Variants in SYNRG observed in about 807,000 individuals in gnomAD.
SYNRG encodes AP1 gamma subunit binding protein 1.
Under a neutral mutation model 130.9 loss-of-function variants are expected in SYNRG, and 37 were observed. The observed-to-expected ratio is 0.28, with a 90% CI of 0.22 to 0.37. The LOEUF is 0.37. Among genes scored for constraint, SYNRG ranks in the 10% least tolerant of loss-of-function variants. The pLI is 1.00. For synonymous variants in SYNRG, 539 were observed against 568.1 expected (o/e 0.95, Z 0.73); for missense variants, 1,338 against 1,588.9 (o/e 0.84, Z 2.68).
In SYNRG at chr17:37,584,771, C is replaced by T; in HGVS notation, c.478-12G>A. The T allele has an allele frequency of 1.3e-6, 2 of 1,582,176 alleles. No individual in the cohort carries two copies. Among genetic ancestry groups the T allele is most frequent in the Non-Finnish European group, 1.7e-6 (2 of 1,152,492 alleles). ...CTCTTCTCTCCTGTCTAAGAGACAACAAATATATGCGTATTTCTTTACTTA... is the reference window on the plus strand; with the variant it reads ...CTCTTCTCTCCTGTCTAAGAGACAATAAATATATGCGTATTTCTTTACTTA... On this transcript the variant is annotated splice_polypyrimidine_tract_variant and intron_variant, in intron 5 of 21. Transcript: ENST00000612223.
Position 37,584,880 on chromosome 17 carries a change from A to G in SYNRG, c.478-121T>C, listed in dbSNP as rs1207786386. ...CCAATATTTTTACCACATACTTCTG[A>G]TAATGAATTATCCAAGTCAGCAAGA... On this transcript the variant is annotated intron_variant, in intron 5 of 21. Coordinates refer to ENST00000612223, the MANE Select transcript of SYNRG (RefSeq NM_007247.6). 1.9e-5 allele frequency: 13 copies of G among 695,230 alleles called. No homozygotes were observed. The East Asian group carries it at 3.2e-4, about 17-fold the overall frequency. 43.1% of individuals were successfully genotyped at this position (695,230 alleles called of 1,614,324 possible). A position where few individuals can be genotyped will look rare whatever the true frequency, so the allele number is the denominator to read the frequency against.
chr17:37,582,363 T>C (rs761100222), intron 6 of SYNRG, among the ~76,000 whole-genome samples: 1 of 152,170 alleles, frequency 6.6e-6, no homozygotes, highest in Non-Finnish European at 1.5e-5. Flanking sequence ...CTCCCAACAA[T>C]TACCAAGGCT....
chr17:37,564,807 A>C (rs2059799882), intron 11 of SYNRG, among the ~76,000 whole-genome samples: 3 of 152,266 alleles, frequency 2.0e-5, no homozygotes, highest in South Asian at 4.1e-4. Context: ...GTTATCAGAT[A>C]ATTTAAATAC....
chr17:37,588,415 A>G (rs866119597), intron 3 of SYNRG, among the ~76,000 whole-genome samples: 4 of 152,044 alleles, frequency 2.6e-5, no homozygotes, highest in Non-Finnish European at 5.9e-5. Flanking sequence ...GGCATGTGCC[A>G]CCACACCCAA....
intron 3 of SYNRG, among the ~76,000 whole-genome samples, chr17:37,591,741 A>G (rs1034037771): frequency 6.6e-6 from 1 of 152,248 alleles, no homozygotes; most frequent in Non-Finnish European, 1.5e-5. Context: ...GGGCAATCAC[A>G]CTTGCATAGG....
intron 14 of SYNRG, among the ~76,000 whole-genome samples, chr17:37,551,840 C>A (rs2058729447): frequency 7.9e-6 from 1 of 126,928 alleles, no homozygotes. Context: ...AAACAAACAG[C>A]AGCAAAAAAA....
rs770444503 is a variant in SYNRG, at chr17:37,535,953, A to C, written c.3666+26T>G. 8 of 1,612,592 alleles carry C rather than the reference A, an allele frequency of 5.0e-6. No homozygotes were observed. In the Admixed American group the frequency reaches 1.3e-4, roughly 27 times the overall value. On this transcript the variant is annotated intron_variant, in intron 19 of 21. Transcript: ENST00000612223. The stretch of plus-strand genomic sequence containing the variant: ...ACTTAGGTTTCTGGAAAGGAAAGCA[A>C]CTGCTGAGTTGTCTCATGGGCTTAC...
In SYNRG at chr17:37,538,427, G is replaced by T. The variant is rs892745069; in HGVS notation, c.3421-7C>A. On this transcript the variant is annotated splice_polypyrimidine_tract_variant and splice_region_variant and intron_variant, in intron 17 of 21. Coordinates refer to ENST00000612223, the MANE Select transcript of SYNRG (RefSeq NM_007247.6). The stretch of plus-strand genomic sequence containing the variant: ...CATTTGCCTTCTTAATGACCTACAA[G>T]AAATGAAATCACATCACCTTACATA... 9 of 1,586,376 alleles carry T rather than the reference G, an allele frequency of 5.7e-6. 1 individual carries two copies. In the Admixed American group the frequency reaches 7.1e-5, roughly 13 times the overall value.
At chr17:37,584,040 A>G (rs2061522423) in intron 6 of SYNRG, among the ~76,000 whole-genome samples, 1 of 152,204 alleles carries the variant, frequency 6.6e-6, no homozygotes, top group Non-Finnish European at 1.5e-5. Context: ...AATTATGCAA[A>G]TACAAGACTC....
intron 14 of SYNRG, among the ~76,000 whole-genome samples, chr17:37,544,303 AG>A (rs1454566411): frequency 6.6e-6 from 1 of 151,454 alleles, no homozygotes; most frequent in Non-Finnish European, 1.5e-5. Flanking sequence ...TCAGGTGAAA[AG>A]TTTTTTTTTT....
At position 37,553,947 on chromosome 17, in the gene SYNRG, T is replaced by G. The variant is rs763909127; in HGVS notation, c.1776A>C (p.Pro592=). ...GTATAGTTCCTGAGGGGAAGGATGG[T>G]GGAAAAGTTTTGTCTTTTGTTGGTG... ...LEPPTKDKTF[P]PSFPSGTIQQ... The change falls in exon 14 of 22, where the codon CCA becomes CCC. Residue 592 remains proline (P), a synonymous_variant. Transcript: ENST00000612223. 6.2e-7 allele frequency: 1 copy of G among 1,610,012 alleles called. No homozygotes were observed.
intron 18 of SYNRG, chr17:37,537,492 T>C (rs1409747507): frequency 1.3e-5 from 2 of 152,244 alleles, no homozygotes; most frequent in African/African-American, 2.4e-5. Flanking sequence ...GCTGGGTGCA[T>C]GGTGGTGCAC....
intron 19 of SYNRG, among the ~76,000 whole-genome samples, chr17:37,534,210 C>T (rs1014127049): frequency 2.0e-5 from 3 of 151,688 alleles, no homozygotes; most frequent in African/African-American, 7.3e-5. Flanking sequence ...TCCCAAAGTG[C>T]TGGGATTCAG....
intron 3 of SYNRG, among the ~76,000 whole-genome samples, chr17:37,586,792 T>C (rs1414713073): frequency 6.6e-6 from 1 of 152,196 alleles, no homozygotes; most frequent in Admixed American, 6.5e-5. Flanking sequence ...TTCCCTTCAC[T>C]GTCCCAGAGG....
At position 37,515,408 on chromosome 17, in the gene SYNRG, C is replaced by CCA. The variant is rs10648808; in HGVS notation, c.*3531_*3532insTG. 3 of 152,004 alleles carry CCA rather than the reference C, an allele frequency of 2.0e-5. No homozygotes were observed. The highest frequency in any genetic ancestry group is 6.5e-5 in the Admixed American group (1 of 15,272). The allele number at this position is 152,004 out of a possible 1,614,324, so 9.4% of individuals were successfully genotyped here. On this transcript the variant is annotated 3_prime_UTR_variant, in exon 22 of 22. Transcript: ENST00000612223. ...CTGAATGGCAAATGTCTGAAAATGT[C>CCA]AGTTTATTAACTGTTCACAAAGGCA...
chr17:37,596,451 G>GA (rs746383319), intron 2 of SYNRG, 107 bp from the exon 3 acceptor site: 1 of 1,264,314 alleles, frequency 7.9e-7, no homozygotes, highest in Non-Finnish European at 1.1e-6. Flanking sequence ...GAGTGTAATG[G>GA]AAAAAGCACA....
chr17:37,609,104 C>T (rs138144276), intron 1 of SYNRG, among the ~76,000 whole-genome samples, 175 bp downstream of exon 1: 3,638 of 152,148 alleles, frequency 0.024, 66 homozygotes, highest in Non-Finnish European at 0.039. Flanking sequence ...ACACCAGCGT[C>T]CAGCACCTGG....
chr17:37,595,669 A>G (rs538713956), intron 3 of SYNRG, among the ~76,000 whole-genome samples: 3 of 152,334 alleles, frequency 2.0e-5, no homozygotes, highest in African/African-American at 7.2e-5. Context: ...AAAAATAAGT[A>G]AAGTATTAGG....
chr17:37,582,823 C>T (rs1219040662), intron 6 of SYNRG, among the ~76,000 whole-genome samples: 3 of 151,620 alleles, frequency 2.0e-5, no homozygotes, highest in African/African-American at 7.3e-5. Flanking sequence ...ATCATGTCAC[C>T]GCACTAGGGC....
Sources: gnomAD v4.1 joint callset for allele counts (sites outside exome capture counted in the v4.1 genomes callset) on GRCh38, gnomAD v4.1.1 for gene constraint, MANE v1.5 for transcripts, NCBI Gene and HGNC (gene_info 2026-07-23, HGNC 2026-07-21) for gene names.